The following CNST variants were observed in gnomAD, a reference collection of about 807,000 sequenced individuals.
CNST encodes consortin.
Under a neutral mutation model 72.4 loss-of-function variants are expected in CNST, and 39 were observed. The observed-to-expected ratio is 0.54, with a 90% CI of 0.42 to 0.70. The LOEUF (loss-of-function observed/expected upper bound fraction) is 0.70, where lower values mean the gene tolerates loss of function less well. Ranked by LOEUF, CNST falls within the 30% of genes least tolerant of loss-of-function variation. CNST has a pLI of 0.00. For missense variants in CNST, 871 were observed against 868.5 expected, an observed-to-expected ratio of 1.00 and a Z score of -0.04; for synonymous variants, 332 against 320.1, an observed-to-expected ratio of 1.04 and a Z score of -0.40.
chr1:246,591,471 G>T, intron 1 of CNST, 41 bp from the exon 2 acceptor site: 1 of 1,362,698 alleles, frequency 7.3e-7, no homozygotes, highest in Non-Finnish European at 1.0e-6. Context: ...AATCTGCAAA[G>T]GTTAGAAAAT....
chr1:246,621,310 C>T, intron 2 of CNST, 119 bp from the exon 3 acceptor site: 4 of 731,082 alleles, frequency 5.5e-6, no homozygotes, highest in Non-Finnish European at 9.6e-6. Flanking sequence ...ATTTACCTTC[C>T]TGTTCAGGTC....
intron 6 of CNST, among the ~76,000 whole-genome samples, chr1:246,640,933 T>C (rs1196532142): frequency 1.3e-5 from 2 of 152,200 alleles, no homozygotes; most frequent in African/African-American, 4.8e-5. Flanking sequence ...AGGTACAAGA[T>C]ATGGAACATT....
chr1:246,628,126 T>A (rs1664558139), intron 3 of CNST, among the ~76,000 whole-genome samples: 1 of 152,134 alleles, frequency 6.6e-6, no homozygotes, highest in Non-Finnish European at 1.5e-5. Context: ...TTTTCATGTT[T>A]TTCTGCCTGC....
At position 246,664,512 on chromosome 1, in the gene CNST, C is replaced by T. The variant is rs550005570; in HGVS notation, c.1973-1188C>T. ...TGTGATCTCAGCTCACTGCAACCTC[C>T]GCCTCCCAGGTTCATGCCATTCTCC... On this transcript the variant is annotated intron_variant, in intron 10 of 10. Coordinates refer to ENST00000366513, the MANE Select transcript of CNST (RefSeq NM_152609.3). Among the ~76,000 whole-genome samples, 22 of 152,036 alleles carry T rather than the reference C, an allele frequency of 1.4e-4. 1 individual carries two copies. In the South Asian group the frequency reaches 4.1e-3, roughly 29 times the overall value.
chr1:246,652,689 G>GTT (rs1265221353), intron 9 of CNST, among the ~76,000 whole-genome samples: 1 of 152,140 alleles, frequency 6.6e-6, no homozygotes, highest in Non-Finnish European at 1.5e-5. Flanking sequence ...GAAGCCCTGT[G>GTT]TTACTGCTTG....
rs927505027 is a variant in CNST at position 246,575,023 on chromosome 1, T to C, written c.-52+8360T>C. ...TTATTTATTTATTTTTGAGACAGAG[T>C]CTCACTCTGTTGCCCAGGCTGGAGT... is the stretch of plus-strand genomic sequence containing the variant. On this transcript the variant is annotated intron_variant, in intron 1 of 10. Coordinates refer to ENST00000366513, the MANE Select transcript of CNST (RefSeq NM_152609.3). 3.7e-4 allele frequency among the ~76,000 whole-genome samples: 52 copies of C among 139,134 alleles called. 1 individual carries two copies. Among genetic ancestry groups the C allele is most frequent in the Non-Finnish European group, 3.2e-5 (2 of 62,830 alleles). The allele number at this position is 139,134 out of a possible 152,430, so 91.3% of individuals were successfully genotyped here.
intron 6 of CNST, 109 bp downstream of exon 6, chr1:246,634,696 G>A (rs925435132): frequency 4.5e-6 from 3 of 671,044 alleles, no homozygotes; most frequent in African/African-American, 3.7e-5. Flanking sequence ...GAGAAATTAA[G>A]ATGGATATAA....
At chr1:246,657,544 A>G (rs1290406212) in intron 9 of CNST, among the ~76,000 whole-genome samples, 2 of 152,228 alleles carry the variant, frequency 1.3e-5, no homozygotes, top group African/African-American at 2.4e-5. Flanking sequence ...AGCCCATCCC[A>G]CACAATTGTA....
At chr1:246,634,130 T>G (rs1057416881) in intron 5 of CNST, 120 bp downstream of exon 5, 11 of 690,614 alleles carry the variant, frequency 1.6e-5, no homozygotes, top group Non-Finnish European at 2.8e-5. Flanking sequence ...ATAAACAAGT[T>G]AATGTTGCAA....
chr1:246,615,885 A>C (rs1176592920), intron 2 of CNST, among the ~76,000 whole-genome samples: 1 of 152,076 alleles, frequency 6.6e-6, no homozygotes, highest in Non-Finnish European at 1.5e-5. Flanking sequence ...ATCTCAAAAA[A>C]AAAAAGAAAC....
chr1:246,646,965 A>G (rs970359641), intron 8 of CNST, among the ~76,000 whole-genome samples, 174 bp from the exon 9 acceptor site: 2 of 152,246 alleles, frequency 1.3e-5, no homozygotes, highest in African/African-American at 2.4e-5. Flanking sequence ...AGGATTCTTT[A>G]CTAAATATTT....
rs180927415 is a variant in CNST, at chr1:246,648,940, G to A, written c.1836+903G>A. Among the ~76,000 whole-genome samples, 6 of 152,304 alleles carry A rather than the reference G, an allele frequency of 3.9e-5. No homozygotes were observed. In the East Asian group the frequency reaches 1.2e-3, roughly 29 times the overall value. On this transcript the variant is annotated intron_variant, in intron 9 of 10. Transcript: ENST00000366513. ...AGACAGTAAAATATATGTGAAAACAGAAGACTGAAAAGCTGTCTAAGGTAA... is the reference window on the plus strand; with the variant it reads ...AGACAGTAAAATATATGTGAAAACAAAAGACTGAAAAGCTGTCTAAGGTAA...
chr1:246,632,780 G>T lies in CNST; in HGVS notation c.616+856G>T, dbSNP rs1183106255. On this transcript the variant is annotated intron_variant, in intron 4 of 10. Coordinates refer to ENST00000366513, the MANE Select transcript of CNST (RefSeq NM_152609.3). ...ACGTGATAATAATGGAAATCACTGT[G>T]GCAAGTTAATTGAGTGTTTACAAAA... Among the ~76,000 whole-genome samples the T allele has an allele frequency of 3.3e-5, 5 of 152,168 alleles. No individual in the cohort carries two copies. In the East Asian group the frequency reaches 9.6e-4, roughly 29 times the overall value.
At chr1:246,578,636 A>G (rs1283877575) in intron 1 of CNST, among the ~76,000 whole-genome samples, 1 of 151,784 alleles carries the variant, frequency 6.6e-6, no homozygotes, top group East Asian at 1.9e-4. Flanking sequence ...GTGCCACTGC[A>G]CTCCAGCCTA....
intron 6 of CNST, 67 bp from the exon 7 acceptor site, chr1:246,641,681 CA>C: frequency 1.2e-6 from 1 of 861,600 alleles, no homozygotes; most frequent in South Asian, 1.4e-5. Context: ...ATTTCAGTGA[CA>C]TTTGTTTGGA....
At chr1:246,653,407 C>T (rs563115661) in intron 9 of CNST, among the ~76,000 whole-genome samples, 7 of 152,276 alleles carry the variant, frequency 4.6e-5, no homozygotes, top group African/African-American at 1.7e-4. Flanking sequence ...TCTATGGATC[C>T]GGAACAAAAG....
chr1:246,600,577 A>T (rs1558545222), intron 2 of CNST, among the ~76,000 whole-genome samples: 1 of 152,216 alleles, frequency 6.6e-6, no homozygotes, highest in South Asian at 2.1e-4. Context: ...CATTAATTAG[A>T]TATGAAAAAA....
intron 9 of CNST, among the ~76,000 whole-genome samples, chr1:246,658,964 C>T (rs549419830): frequency 3.9e-4 from 60 of 152,140 alleles, no homozygotes; most frequent in African/African-American, 1.4e-3. Flanking sequence ...TCCTAAATGG[C>T]GAGGGTTTTT....
At chr1:246,631,952 A>G (rs1664798086) in intron 4 of CNST, 28 bp downstream of exon 4, 1 of 1,365,304 alleles carries the variant, frequency 7.3e-7, no homozygotes, top group Non-Finnish European at 1.0e-6. Context: ...ACAGGAAGAA[A>G]TTTTTAGAAC....
Sources: gnomAD v4.1 joint callset for allele counts (sites outside exome capture counted in the v4.1 genomes callset) on GRCh38, gnomAD v4.1.1 for gene constraint, MANE v1.5 for transcripts, NCBI Gene and HGNC (gene_info 2026-07-23, HGNC 2026-07-21) for gene names.